Variants in TRIO observed in about 807,000 individuals in gnomAD.
TRIO encodes the protein trio Rho guanine nucleotide exchange factor, also known as triple functional domain protein.
Under a neutral mutation model 351.9 loss-of-function variants are expected in TRIO, and 58 were observed. That is an observed-to-expected ratio of 0.16 (90% CI 0.13 to 0.21). The LOEUF (loss-of-function observed/expected upper bound fraction) is 0.21, where lower values mean the gene tolerates loss of function less well. Ranked by LOEUF, TRIO falls within the 10% of genes least tolerant of loss-of-function variation. TRIO has a pLI of 1.00. For synonymous variants in TRIO, 1,758 were observed against 1,595.7 expected, an observed-to-expected ratio of 1.10 and a Z score of -2.42; for missense variants, 3,201 against 4,027.8, an observed-to-expected ratio of 0.79 and a Z score of 5.56.
chr5:14,496,110 C>T (rs1026284686), intron 49 of TRIO, among the ~76,000 whole-genome samples: 2 of 152,108 alleles, frequency 1.3e-5, no homozygotes, highest in South Asian at 4.1e-4. Context: ...TTTTTTTTAG[C>T]AAATAAACTG....
chr5:14,406,700 G>C (rs369778136), intron 33 of TRIO, 28 bp downstream of exon 33: 82 of 1,603,814 alleles, frequency 5.1e-5, no homozygotes, highest in Non-Finnish European at 6.8e-5. Context: ...CTTTGTGTGC[G>C]GAGGGGAATG....
chr5:14,455,354 T>C (rs993458011), intron 34 of TRIO, among the ~76,000 whole-genome samples: 2 of 151,938 alleles, frequency 1.3e-5, no homozygotes, highest in Non-Finnish European at 2.9e-5. Flanking sequence ...CACAGAGTGC[T>C]GATTGGTGTA....
intron 1 of TRIO, among the ~76,000 whole-genome samples, chr5:14,178,783 A>G (rs937899816): frequency 1.3e-5 from 2 of 152,158 alleles, no homozygotes; most frequent in Non-Finnish European, 2.9e-5. Context: ...AAAGGCATGG[A>G]CAGTTGGCCA....
chr5:14,241,716 T>G (rs544946398), intron 1 of TRIO, among the ~76,000 whole-genome samples: 1 of 152,264 alleles, frequency 6.6e-6, no homozygotes, highest in East Asian at 1.9e-4. Flanking sequence ...CAAACATGGA[T>G]TTGTTCACTT....
chr5:14,180,944 T>A lies in TRIO; in HGVS notation c.157+37062T>A, dbSNP rs534963513. On this transcript the variant is annotated intron_variant, in intron 1 of 56. Coordinates refer to ENST00000344204, the MANE Select transcript of TRIO (RefSeq NM_007118.4). ...TATTTTCTGTATATACTAAAATATT[T>A]AATTTTGTCTAGGGAAATCCTTCAG... 1.4e-4 allele frequency among the ~76,000 whole-genome samples: 22 copies of A among 152,336 alleles called. No individual in the cohort carries two copies. In the South Asian group the frequency reaches 3.3e-3, roughly 23 times the overall value.
intron 36 of TRIO, among the ~76,000 whole-genome samples, chr5:14,463,810 C>T (rs1754014574): frequency 6.6e-6 from 1 of 152,102 alleles, no homozygotes; most frequent in Non-Finnish European, 1.5e-5. Context: ...AGATTAATCA[C>T]CCTCTATTTT....
chr5:14,370,027 T>C (rs1182857703), intron 18 of TRIO, among the ~76,000 whole-genome samples: 2 of 152,142 alleles, frequency 1.3e-5, no homozygotes, highest in Non-Finnish European at 1.5e-5. Flanking sequence ...ACAAGAGAAA[T>C]GTGTCACATG....
chr5:14,406,476 C>T (rs757672992), intron 32 of TRIO, 97 bp from the exon 33 acceptor site: 11 of 1,184,360 alleles, frequency 9.3e-6, no homozygotes, highest in South Asian at 3.8e-5. Context: ...CAGGCACTCA[C>T]GAAGGCTGAT....
At chr5:14,483,515 G>A (rs368352390) in intron 46 of TRIO, among the ~76,000 whole-genome samples, 2 of 152,128 alleles carry the variant, frequency 1.3e-5, no homozygotes, top group Non-Finnish European at 1.5e-5. Flanking sequence ...GCACACCTGC[G>A]GGCCTCACAG....
chr5:14,173,746 A>T (rs1789244953), intron 1 of TRIO, among the ~76,000 whole-genome samples: 1 of 152,222 alleles, frequency 6.6e-6, no homozygotes, highest in South Asian at 2.1e-4. Flanking sequence ...TAGGCTGATA[A>T]TGTAATTTTG....
Position 14,165,459 on chromosome 5 carries a change from C to T in TRIO, c.157+21577C>T, listed in dbSNP as rs577165074. On this transcript the variant is annotated intron_variant, in intron 1 of 56. Coordinates refer to ENST00000344204, the MANE Select transcript of TRIO (RefSeq NM_007118.4). ...TGATTTCATTCTTTTTTAATCAATG[C>T]GTAGTATTCCATGGTGTATATGTAC... Among the ~76,000 whole-genome samples the T allele has an allele frequency of 1.9e-4, 29 of 152,290 alleles. No individual in the cohort carries two copies. In the East Asian group the frequency reaches 3.1e-3, roughly 16 times the overall value.
intron 1 of TRIO, among the ~76,000 whole-genome samples, chr5:14,176,899 G>A (rs576563071): frequency 6.6e-6 from 1 of 152,108 alleles, no homozygotes; most frequent in East Asian, 1.9e-4. Context: ...TTTTCTTTAT[G>A]GCCATTAAAT....
chr5:14,462,984 G>T (rs750767468), intron 36 of TRIO, 59 bp downstream of exon 36: 2 of 1,486,988 alleles, frequency 1.3e-6, no homozygotes, highest in Non-Finnish European at 1.8e-6. Flanking sequence ...GGGCACGCTC[G>T]GTAGCTGCTT....
chr5:14,295,025 C>T (rs1180276990), intron 6 of TRIO, among the ~76,000 whole-genome samples: 1 of 151,962 alleles, frequency 6.6e-6, no homozygotes, highest in Non-Finnish European at 1.5e-5. Flanking sequence ...AGCTCGGTGC[C>T]ATGAAGGTGA....
intron 46 of TRIO, among the ~76,000 whole-genome samples, chr5:14,483,951 T>C (rs1755729138): frequency 6.6e-6 from 1 of 151,784 alleles, no homozygotes; most frequent in Non-Finnish European, 1.5e-5. Context: ...ACTGCACCCA[T>C]ACGCTGAGCC....
intron 34 of TRIO, among the ~76,000 whole-genome samples, chr5:14,423,837 C>T (rs553999351): frequency 6.6e-6 from 1 of 152,194 alleles, no homozygotes; most frequent in South Asian, 2.1e-4. Context: ...TGGAAAACCA[C>T]CCCAGGGCCT....
chr5:14,449,433 A>G (rs1458664026), intron 34 of TRIO, among the ~76,000 whole-genome samples: 1 of 152,144 alleles, frequency 6.6e-6, no homozygotes, highest in Non-Finnish European at 1.5e-5. Context: ...CTGGGTGGTG[A>G]TGAGGCCATT....
At chr5:14,211,730 A>G (rs546098785) in intron 1 of TRIO, among the ~76,000 whole-genome samples, 1 of 152,080 alleles carries the variant, frequency 6.6e-6, no homozygotes, top group South Asian at 2.1e-4. Context: ...GAATGTGGCA[A>G]TCTTTTTAGT....
rs539896249 is a variant in TRIO at position 14,505,489 on chromosome 5, T to C, written c.8612+896T>C. On this transcript the variant is annotated intron_variant, in intron 55 of 56. Coordinates refer to ENST00000344204, the MANE Select transcript of TRIO (RefSeq NM_007118.4). Reference sequence around the variant, plus strand: ...CACCATTTGGGAAGTTTGCATAGCTTCTTCAGTGGGAAGGATAGGATTAGC... The same window carrying C: ...CACCATTTGGGAAGTTTGCATAGCTCCTTCAGTGGGAAGGATAGGATTAGC... 3.3e-5 allele frequency among the ~76,000 whole-genome samples: 5 copies of C among 152,352 alleles called. No homozygotes were observed. The East Asian group carries it at 9.7e-4, about 29-fold the overall frequency.
Sources: gnomAD v4.1 joint callset for allele counts (sites outside exome capture counted in the v4.1 genomes callset) on GRCh38, gnomAD v4.1.1 for gene constraint, MANE v1.5 for transcripts, NCBI Gene and HGNC (gene_info 2026-07-23, HGNC 2026-07-21) for gene names.